The following SELP variants were observed in gnomAD, a reference collection of about 807,000 sequenced individuals.
SELP encodes the protein P-selectin.
Under a neutral mutation model 104.1 loss-of-function variants are expected in SELP, and 92 were observed. The ratio of observed to expected loss-of-function variants is 0.88; its 90% CI spans 0.75 to 1.05. SELP has a LOEUF of 1.05. Among genes scored for constraint, SELP ranks in the 50% least tolerant of loss-of-function variants. The probability of loss-of-function intolerance (pLI) is 0.00; values close to 1 mark genes in which losing one functional copy is unlikely to be tolerated. For missense variants in SELP, 1,022 were observed against 1,017.3 expected (o/e 1.00, Z -0.06); for synonymous variants, 397 against 364.5 (o/e 1.09, Z -1.01).
intron 1 of SELP, among the ~76,000 whole-genome samples, chr1:169,628,595 G>A (rs1178483547): frequency 6.6e-6 from 1 of 152,172 alleles, no homozygotes; most frequent in Non-Finnish European, 1.5e-5. Flanking sequence ...GGAGGTCTGG[G>A]AACCTCCTGT....
intron 10 of SELP, among the ~76,000 whole-genome samples, chr1:169,602,275 G>C (rs1368118416): frequency 1.3e-5 from 2 of 152,212 alleles, no homozygotes; most frequent in African/African-American, 4.8e-5. Flanking sequence ...TAGAAGTGGA[G>C]AGAGGAGGGA....
rs1284213813 is a variant in SELP, at chr1:169,612,227, T to A, written c.951A>T (p.Pro317=). 6.2e-7 allele frequency: 1 copy of A among 1,613,852 alleles called. No homozygotes were observed. Residue 317 remains proline, a synonymous_variant, in exon 6 of 17, where the codon CCA becomes CCT. Transcript: ENST00000263686. ...CTACCTGAAACTCACCTTTACACACTGGGGCTGGGGCTGTCCATACCCCCG... is the reference window on the plus strand; with the variant it reads ...CTACCTGAAACTCACCTTTACACACAGGGGCTGGGGCTGTCCATACCCCCG... ...TASGVWTAPA[P]VCKAVQCQHL... is the part of the protein sequence containing the mutation.
intron 1 of SELP, among the ~76,000 whole-genome samples, chr1:169,621,428 TTG>T (rs57079522): frequency 0.047 from 6,157 of 130,454 alleles, 215 homozygotes; most frequent in East Asian, 0.2. Flanking sequence ...CAGTGTGAGG[TTG>T]TGTGTGTGTG....
At chr1:169,589,855 C>T (rs1661266511) in intron 16 of SELP, among the ~76,000 whole-genome samples, 2 of 152,112 alleles carry the variant, frequency 1.3e-5, no homozygotes, top group Non-Finnish European at 2.9e-5. Flanking sequence ...GCAGGCAAGG[C>T]CACATCATCA....
chr1:169,609,139 T>C (rs1662355960), intron 8 of SELP, among the ~76,000 whole-genome samples: 1 of 152,142 alleles, frequency 6.6e-6, no homozygotes, highest in African/African-American at 2.4e-5. Context: ...TCAGAGAGTC[T>C]AAACCACTAG....
At chr1:169,591,189 G>A (rs929041134) in intron 15 of SELP, among the ~76,000 whole-genome samples, 50 of 152,278 alleles carry the variant, frequency 3.3e-4, no homozygotes, top group African/African-American at 1.2e-3. Context: ...TACTGGCACA[G>A]CGCCTAAGTT....
At chr1:169,597,656 C>T (rs1661697903) in intron 10 of SELP, among the ~76,000 whole-genome samples, 1 of 152,146 alleles carries the variant, frequency 6.6e-6, no homozygotes, top group South Asian at 2.1e-4. Context: ...CTATTTCTTC[C>T]ATTTGAATCT....
intron 2 of SELP, among the ~76,000 whole-genome samples, chr1:169,618,127 G>A (rs758631126): frequency 3.3e-5 from 5 of 152,144 alleles, no homozygotes; most frequent in Admixed American, 6.5e-5. Flanking sequence ...GTAAATCTCC[G>A]ACGGTGTTTT....
intron 10 of SELP, among the ~76,000 whole-genome samples, chr1:169,597,750 T>A (rs1475356508): frequency 6.6e-6 from 1 of 152,212 alleles, no homozygotes; most frequent in Non-Finnish European, 1.5e-5. Flanking sequence ...AACCTCCTGG[T>A]CAAGATAGAT....
rs899468296 is a variant in SELP, at chr1:169,593,773, A to G, written c.2288-49T>C. 8 of 1,597,152 alleles carry G rather than the reference A, an allele frequency of 5.0e-6. No homozygotes were observed. The South Asian group carries it at 5.6e-5, about 11-fold the overall frequency. On this transcript the variant is annotated intron_variant, in intron 13 of 16. Transcript: ENST00000263686. Reference sequence around the variant, plus strand: ...GCAAGACATAAGAAGTGTATTATGCAAAAGACTAGTCTTTCTCTCCCAGAA... The same window carrying G: ...GCAAGACATAAGAAGTGTATTATGCGAAAGACTAGTCTTTCTCTCCCAGAA...
Position 169,591,410 on chromosome 1 carries a change from A to G in SELP, c.2438+16T>C. 6.4e-7 allele frequency: 1 copy of G among 1,569,280 alleles called. No individual in the cohort carries two copies. The highest frequency in any genetic ancestry group is 8.7e-7 in the Non-Finnish European group (1 of 1,153,582). ...GGTAGCAAAATTTACTCAATCATAAAACATTTCTACCTTACCTGTGAGGAT... is the reference window on the plus strand; with the variant it reads ...GGTAGCAAAATTTACTCAATCATAAGACATTTCTACCTTACCTGTGAGGAT... On this transcript the variant is annotated intron_variant, in intron 15 of 16. Coordinates refer to ENST00000263686, the MANE Select transcript of SELP (RefSeq NM_003005.4).
intron 10 of SELP, 87 bp from the exon 11 acceptor site, chr1:169,597,263 A>T (rs1661677784): frequency 3.3e-6 from 4 of 1,194,140 alleles, no homozygotes; most frequent in Non-Finnish European, 4.6e-6. Flanking sequence ...ATATATTCAA[A>T]AAATATTTAT....
At chr1:169,608,000 A>G (rs1662286669) in intron 8 of SELP, among the ~76,000 whole-genome samples, 1 of 152,104 alleles carries the variant, frequency 6.6e-6, no homozygotes, top group Admixed American at 6.6e-5. Context: ...CAATGGCTTG[A>G]ATAATCCCTT....
chr1:169,626,654 C>T (rs1178091387), intron 1 of SELP, among the ~76,000 whole-genome samples: 5 of 152,194 alleles, frequency 3.3e-5, no homozygotes, highest in African/African-American at 9.7e-5. Flanking sequence ...TACTTCTGAA[C>T]AGAGAAGTAT....
chr1:169,602,904 A>C, intron 10 of SELP, 122 bp downstream of exon 10: 1 of 662,748 alleles, frequency 1.5e-6, no homozygotes, highest in South Asian at 3.4e-5. Flanking sequence ...TATCTAGATT[A>C]CCATTGTTGT....
chr1:169,624,453 CT>C (rs1286342730), intron 1 of SELP, among the ~76,000 whole-genome samples: 4 of 152,232 alleles, frequency 2.6e-5, no homozygotes, highest in African/African-American at 9.6e-5. Context: ...TTTAATTTTA[CT>C]TTAATAAAGA....
rs1557962740 is a variant in SELP at position 169,611,623 on chromosome 1, T to C, written c.1016A>G (p.His339Arg). Reference sequence around the variant, plus strand: ...GCCATAGGCAAAAGCAGTGAGCGGATGAACACAGTCCATGGTTCCTTCACT... The same window carrying C: ...GCCATAGGCAAAAGCAGTGAGCGGACGAACACAGTCCATGGTTCCTTCACT... ...APSEGTMDCV[H>R]PLTAFAYGSS... The change falls in exon 7 of 17, where the codon CAT becomes CGT. Residue 339 changes from histidine (H) to arginine (R), a missense_variant. Physicochemically the swap from His to Arg is conservative, Grantham distance 29. Transcript: ENST00000263686. 6.2e-7 allele frequency: 1 copy of C among 1,614,140 alleles called. No individual in the cohort carries two copies.
At chr1:169,604,226 T>A (rs1209903558) in intron 9 of SELP, among the ~76,000 whole-genome samples, 1 of 152,020 alleles carries the variant, frequency 6.6e-6, no homozygotes, top group Admixed American at 6.5e-5. Flanking sequence ...TTTTCATGTG[T>A]CTTTTGGCTG....
chr1:169,599,808 T>C (rs1382204765), intron 10 of SELP, among the ~76,000 whole-genome samples: 1 of 152,206 alleles, frequency 6.6e-6, no homozygotes, highest in African/African-American at 2.4e-5. Flanking sequence ...CAGTTCACCA[T>C]ATTTTAGGAC....
Sources: allele counts gnomAD v4.1 joint callset (sites outside exome capture counted in the v4.1 genomes callset), GRCh38; gene constraint gnomAD v4.1.1; transcripts MANE v1.5; gene names NCBI Gene and HGNC (gene_info 2026-07-23, HGNC 2026-07-21).